The following PCDHGA6 variants were observed in gnomAD, a reference collection of about 807,000 sequenced individuals.
PCDHGA6 encodes the protein protocadherin gamma-A6.
Under a neutral mutation model 60.6 loss-of-function variants are expected in PCDHGA6, and 41 were observed. That is an observed-to-expected ratio of 0.68 (90% CI 0.53 to 0.88). The LOEUF is 0.88. Among genes scored for constraint, PCDHGA6 ranks in the 40% least tolerant of loss-of-function variants. PCDHGA6 has a pLI of 0.00. For missense variants in PCDHGA6, 1,312 were observed against 1,203.0 expected, an observed-to-expected ratio of 1.09 and a Z score of -1.34; for synonymous variants, 594 against 524.4, an observed-to-expected ratio of 1.13 and a Z score of -1.81.
intron 1 of PCDHGA6, among the ~76,000 whole-genome samples, chr5:141,488,434 C>T (rs1231743982): frequency 2.6e-5 from 4 of 152,166 alleles, no homozygotes; most frequent in African/African-American, 7.2e-5. Flanking sequence ...TGGCCTCTGA[C>T]CACCCTCCTG....
chr5:141,423,184 C>A (rs747938944), intron 1 of PCDHGA6: 1 of 1,613,442 alleles, frequency 6.2e-7, no homozygotes, highest in South Asian at 1.1e-5. Flanking sequence ...CCACGGCCAG[C>A]CCCCTCTCTC....
chr5:141,433,347 CCTA>C, intron 1 of PCDHGA6: 1 of 626,716 alleles, frequency 1.6e-6, no homozygotes, highest in South Asian at 2.0e-5. Flanking sequence ...GTGCAAGCCA[CCTA>C]CTGTCTGCCT....
intron 1 of PCDHGA6, chr5:141,399,076 G>A (rs767415619): frequency 1.2e-6 from 2 of 1,613,850 alleles, no homozygotes; most frequent in Non-Finnish European, 1.7e-6. Flanking sequence ...GGTTGTAGAA[G>A]GGAGGGATGG....
At chr5:141,455,984 G>A (rs1405675950) in intron 1 of PCDHGA6, among the ~76,000 whole-genome samples, 2 of 151,492 alleles carry the variant, frequency 1.3e-5, no homozygotes, top group East Asian at 1.9e-4. Context: ...TGCAAGCTCC[G>A]CCTCTCGGGT....
Position 141,489,263 on chromosome 5 carries a change from A to G in PCDHGA6, c.2425-5544A>G. The G allele has an allele frequency of 6.4e-7, 1 of 1,552,104 alleles. No homozygotes were observed. Among genetic ancestry groups the G allele is most frequent in the South Asian group, 1.3e-5 (1 of 79,626 alleles). On this transcript the variant is annotated intron_variant, in intron 1 of 3. Transcript: ENST00000517434. This position sits in a 1 kb window ranked among gnomAD's most constrained non-coding sequence, Gnocchi z 4.5. ...GTCATGGGGCCCAAGACACTCCCAC[A>G]GCTCGCTGGGAAATGGCAAGTGCTG...
At position 141,491,168 on chromosome 5, in the gene PCDHGA6, A is replaced by T. The variant is rs1293664414; in HGVS notation, c.2425-3639A>T. On this transcript the variant is annotated intron_variant, in intron 1 of 3. Transcript: ENST00000517434. This position sits in a 1 kb window ranked among gnomAD's most constrained non-coding sequence, Gnocchi z 6.9. ...CTGGAGGATGACTCTGACACCCAGC[A>T]GGTGGTGGTCCTGGTGAGGGACAAT... 3.1e-6 allele frequency: 5 copies of T among 1,614,160 alleles called. No individual in the cohort carries two copies. The highest frequency in any genetic ancestry group is 4.2e-6 in the Non-Finnish European group (5 of 1,179,988).
Position 141,383,803 on chromosome 5 carries a change from T to C in PCDHGA6, c.2424+7296T>C, listed in dbSNP as rs141242913. 756 of 1,613,958 alleles carry C rather than the reference T, an allele frequency of 4.7e-4. 3 individuals carry two copies. The highest frequency in any genetic ancestry group is 8.2e-4 in the Middle Eastern group (5 of 6,062). ...TCTGAACTCGCTTACAGGAGAAATA[T>C]CAACTTTAGAAGGATTAGATTATGA... On this transcript the variant is annotated intron_variant, in intron 1 of 3. Transcript: ENST00000517434.
intron 1 of PCDHGA6, chr5:141,418,830 G>A (rs371820904): frequency 1.2e-6 from 2 of 1,613,976 alleles, no homozygotes; most frequent in Non-Finnish European, 1.7e-6. Flanking sequence ...GCAAAAGACC[G>A]AGGATCTCTC....
chr5:141,413,962 AC>A, intron 1 of PCDHGA6: 1 of 1,613,404 alleles, frequency 6.2e-7, no homozygotes, highest in Non-Finnish European at 8.5e-7. Context: ...GCCTGTGGGC[AC>A]TCAGCTGCTG....
At chr5:141,419,554 T>C (rs775925543) in intron 1 of PCDHGA6, 1 of 1,612,006 alleles carries the variant, frequency 6.2e-7, no homozygotes, top group Non-Finnish European at 8.5e-7. Flanking sequence ...TGCTGTACCC[T>C]GCGCTGGGTC....
At chr5:141,420,230 A>G (rs758649822) in intron 1 of PCDHGA6, 3 of 1,601,528 alleles carry the variant, frequency 1.9e-6, no homozygotes, top group Admixed American at 1.7e-5. Flanking sequence ...ACTGGCTAGC[A>G]TTTTAACTCC....
At position 141,402,911 on chromosome 5, in the gene PCDHGA6, C is replaced by CT. The variant is rs2094320554; in HGVS notation, c.2424+26404_2424+26405insT. 6 of 1,551,858 alleles carry CT rather than the reference C, an allele frequency of 3.9e-6. No homozygotes were observed. In the African/African-American group the frequency reaches 8.2e-5, roughly 21 times the overall value. ...GAAGAAAGAACCTGATGAAGCAGCG[C>CT]GCACAGAGATCCTTTTGAGAAAATT... On this transcript the variant is annotated intron_variant, in intron 1 of 3. Coordinates refer to ENST00000517434, the MANE Select transcript of PCDHGA6 (RefSeq NM_018919.3).
At chr5:141,499,029 A>AAGGAAGGAAGGAAGGAAGGAAGG (rs1562187768) in intron 2 of PCDHGA6, among the ~76,000 whole-genome samples, 1 of 139,968 alleles carries the variant, frequency 7.1e-6, no homozygotes, top group African/African-American at 2.8e-5. Flanking sequence ...AGGAAGGAAG[A>AAGGAAGGAAGGAAGGAAGGAAGG]AAAGAAAGAA....
intron 1 of PCDHGA6, among the ~76,000 whole-genome samples, chr5:141,461,983 C>T (rs1390320490): frequency 6.6e-6 from 1 of 152,192 alleles, no homozygotes. Flanking sequence ...GCCACCACGC[C>T]AGGCTAATTT....
rs1417754081 is a variant in PCDHGA6, at chr5:141,512,046, T to C, written c.*873T>C. 1 of 152,746 alleles carries C rather than the reference T, an allele frequency of 6.5e-6. No individual in the cohort carries two copies. Among genetic ancestry groups the C allele is most frequent in the East Asian group, 1.9e-4 (1 of 5,190 alleles). 9.5% of individuals were successfully genotyped at this position (152,746 alleles called of 1,614,324 possible). Reference sequence around the variant, plus strand: ...GCCTTGGAGGAGGCTCTGTATGTCCTCAGGGGACTGACAACATCCTCCAGA... The same window carrying C: ...GCCTTGGAGGAGGCTCTGTATGTCCCCAGGGGACTGACAACATCCTCCAGA... On this transcript the variant is annotated 3_prime_UTR_variant, in exon 4 of 4. Transcript: ENST00000517434.
chr5:141,458,575 G>A (rs1337776166), intron 1 of PCDHGA6, among the ~76,000 whole-genome samples: 1 of 151,346 alleles, frequency 6.6e-6, no homozygotes, highest in Non-Finnish European at 1.5e-5. Context: ...GTTTTTGTTT[G>A]TTTGTTTGTT....
chr5:141,489,150 TAA>T lies in PCDHGA6; in HGVS notation c.2425-5656_2425-5655del. 1.2e-6 allele frequency: 1 copy of T among 862,654 alleles called. No homozygotes were observed. Among genetic ancestry groups the T allele is most frequent in the Non-Finnish European group, 1.7e-6 (1 of 575,074 alleles). The allele number at this position is 862,654 out of a possible 1,614,324, so 53.4% of individuals were successfully genotyped here. On this transcript the variant is annotated intron_variant, in intron 1 of 3. Coordinates refer to ENST00000517434, the MANE Select transcript of PCDHGA6 (RefSeq NM_018919.3). This position sits in a 1 kb window ranked among gnomAD's most constrained non-coding sequence, Gnocchi z 4.5. ...GTTTTTAAGAGGCTGGAAGGAGACA[TAA>T]GAGACTTCAGCTGCTGCATTCCAAG... is the stretch of plus-strand genomic sequence containing the variant.
chr5:141,421,617 C>T, intron 1 of PCDHGA6: 3 of 1,613,768 alleles, frequency 1.9e-6, no homozygotes, highest in African/African-American at 1.3e-5. Context: ...TTAATGATAA[C>T]GCCCCCAGCT....
At chr5:141,498,352 C>T (rs1439698389) in intron 2 of PCDHGA6, among the ~76,000 whole-genome samples, 1 of 151,772 alleles carries the variant, frequency 6.6e-6, no homozygotes, top group Non-Finnish European at 1.5e-5. Flanking sequence ...AAAGCCTATG[C>T]AAAAGCCTTG....
Sources: gnomAD v4.1 joint callset for allele counts (sites outside exome capture counted in the v4.1 genomes callset) on GRCh38, gnomAD v4.1.1 for gene constraint, Gnocchi (gnomAD v3.1) non-coding constraint, MANE v1.5 for transcripts, NCBI Gene and HGNC (gene_info 2026-07-23, HGNC 2026-07-21) for gene names.